DLGAP2: variants seen among roughly 807,000 people sequenced by gnomAD.
The protein encoded by DLGAP2 is DLG associated protein 2.
Under a neutral mutation model 100.3 loss-of-function variants are expected in DLGAP2, and 26 were observed. The observed-to-expected ratio is 0.26, with a 90% CI of 0.19 to 0.36. The LOEUF is 0.36. Among genes scored for constraint, DLGAP2 ranks in the 10% least tolerant of loss-of-function variants. The pLI is 1.00. For missense variants in DLGAP2, 1,858 were observed against 1,453.2 expected (o/e 1.28, Z -4.53); for synonymous variants, 886 against 630.1 (o/e 1.41, Z -6.08).
intron 3 of DLGAP2, among the ~76,000 whole-genome samples, chr8:1,470,378 C>A (rs1053627789): frequency 6.6e-6 from 1 of 152,178 alleles, no homozygotes; most frequent in African/African-American, 2.4e-5. Flanking sequence ...CTGAGTCCAC[C>A]ACAGTGGGAG....
chr8:881,625 A>T (rs1174543361), intron 1 of DLGAP2, among the ~76,000 whole-genome samples: 15 of 141,482 alleles, frequency 1.1e-4, no homozygotes, highest in Non-Finnish European at 1.5e-4. Flanking sequence ...TCAGCCTCCC[A>T]AGTAGCTGGG....
intron 3 of DLGAP2, among the ~76,000 whole-genome samples, chr8:1,486,659 C>T (rs776135047): frequency 1.3e-5 from 2 of 152,214 alleles, no homozygotes; most frequent in Non-Finnish European, 2.9e-5. Context: ...TCTCCTCTTG[C>T]TCTTCCAACT....
chr8:820,226 A>G (rs1246632045), intron 1 of DLGAP2, among the ~76,000 whole-genome samples: 1 of 152,260 alleles, frequency 6.6e-6, no homozygotes, highest in Non-Finnish European at 1.5e-5. Context: ...TAAATATGTA[A>G]TCATTAAAGA....
intron 6 of DLGAP2, among the ~76,000 whole-genome samples, chr8:1,570,761 G>C (rs1460878759): frequency 6.6e-6 from 1 of 151,388 alleles, no homozygotes; most frequent in Non-Finnish European, 1.5e-5. Context: ...GAGGAGAGGG[G>C]TGAACTGCGG....
At chr8:1,410,592 T>A (rs1054221846) in intron 3 of DLGAP2, among the ~76,000 whole-genome samples, 1 of 152,176 alleles carries the variant, frequency 6.6e-6, no homozygotes, top group African/African-American at 2.4e-5. Context: ...CTTCTCAGAA[T>A]GAAATACAGT....
chr8:1,145,310 C>G (rs1362023464), intron 2 of DLGAP2, among the ~76,000 whole-genome samples: 1 of 152,164 alleles, frequency 6.6e-6, no homozygotes, highest in African/African-American at 2.4e-5. Context: ...TGTTTTTAAT[C>G]CCCTCCCATG....
chr8:937,742 C>G (rs1799104193), intron 2 of DLGAP2, among the ~76,000 whole-genome samples: 1 of 152,196 alleles, frequency 6.6e-6, no homozygotes, highest in Non-Finnish European at 1.5e-5. Context: ...TCAAGGGAAT[C>G]TGGTGTTGTC....
chr8:1,201,000 C>A (rs895944592), intron 2 of DLGAP2, among the ~76,000 whole-genome samples: 4 of 152,290 alleles, frequency 2.6e-5, no homozygotes, highest in Non-Finnish European at 4.4e-5. Context: ...GCGGCTGTCT[C>A]CCCGGACCCC....
intron 3 of DLGAP2, among the ~76,000 whole-genome samples, chr8:1,473,501 A>G (rs140993685): frequency 6.6e-6 from 1 of 152,306 alleles, no homozygotes; most frequent in African/African-American, 2.4e-5. Flanking sequence ...CATTCTCAAA[A>G]AGGCAGAACT....
intron 3 of DLGAP2, among the ~76,000 whole-genome samples, chr8:1,481,589 C>G (rs1259741654): frequency 7.2e-6 from 1 of 139,764 alleles, no homozygotes; most frequent in Non-Finnish European, 1.5e-5. Context: ...AGTGATTCTA[C>G]TGCCTCAGCC....
At chr8:1,338,680 C>T (rs904796715) in intron 3 of DLGAP2, among the ~76,000 whole-genome samples, 3 of 152,218 alleles carry the variant, frequency 2.0e-5, no homozygotes, top group South Asian at 2.1e-4. Flanking sequence ...ACTAAAGACA[C>T]GATCTGTACA....
At chr8:832,456 C>A (rs1796800565) in intron 1 of DLGAP2, among the ~76,000 whole-genome samples, 2 of 152,268 alleles carry the variant, frequency 1.3e-5, no homozygotes, top group South Asian at 4.1e-4. Flanking sequence ...ACAGTCATTG[C>A]CTGCATTCTT....
At chr8:1,312,538 G>T (rs1295307460) in intron 3 of DLGAP2, among the ~76,000 whole-genome samples, 2 of 152,156 alleles carry the variant, frequency 1.3e-5, no homozygotes, top group Non-Finnish European at 2.9e-5. Flanking sequence ...GGGCTTGGGG[G>T]AGAGGGAACG....
chr8:1,436,325 A>G (rs987011575), intron 3 of DLGAP2, among the ~76,000 whole-genome samples: 7 of 152,216 alleles, frequency 4.6e-5, no homozygotes, highest in African/African-American at 1.7e-4. Flanking sequence ...CTGATGTTCA[A>G]GGGCAGGAGG....
At chr8:1,054,158 G>C (rs1802804011) in intron 2 of DLGAP2, among the ~76,000 whole-genome samples, 1 of 151,986 alleles carries the variant, frequency 6.6e-6, no homozygotes, top group Admixed American at 6.6e-5. Flanking sequence ...CTCCTGGTTT[G>C]AGTACAGGCA....
chr8:1,487,828 C>T lies in DLGAP2; in HGVS notation c.107-13538C>T, dbSNP rs114376365. Among the ~76,000 whole-genome samples the T allele has an allele frequency of 5.2e-3, 791 of 152,304 alleles. 6 individuals carry two copies. Among genetic ancestry groups the T allele is most frequent in the African/African-American group, 0.018 (751 of 41,554 alleles). On this transcript the variant is annotated intron_variant, in intron 3 of 14. Coordinates refer to ENST00000637795, the MANE Select transcript of DLGAP2 (RefSeq NM_001346810.2). Reference sequence around the variant, plus strand: ...AGTAGTCGGTGAAGCTTCACGTCCTCACTACCTGCCAGCAGGTACGTGGTG... The same window carrying T: ...AGTAGTCGGTGAAGCTTCACGTCCTTACTACCTGCCAGCAGGTACGTGGTG...
chr8:1,111,632 C>T (rs1474920926), intron 2 of DLGAP2, among the ~76,000 whole-genome samples: 1 of 152,118 alleles, frequency 6.6e-6, no homozygotes, highest in Non-Finnish European at 1.5e-5. Flanking sequence ...ATTTAGATCC[C>T]ACTTGTAAGT....
chr8:1,416,192 C>G (rs1796877671), intron 3 of DLGAP2, among the ~76,000 whole-genome samples: 1 of 152,178 alleles, frequency 6.6e-6, no homozygotes, highest in East Asian at 1.9e-4. Flanking sequence ...CAGACGATGC[C>G]TGGTTACCAG....
Position 1,637,396 on chromosome 8 carries a change from A to G in DLGAP2, c.1810+4350A>G, listed in dbSNP as rs117694271. ...GTCACTCTGACACAAGGGCTTTACA[A>G]ATAGGCTCAGAAACTGTTGCGCGGG... On this transcript the variant is annotated intron_variant, in intron 8 of 14. Transcript: ENST00000637795. 5.4e-3 allele frequency among the ~76,000 whole-genome samples: 816 copies of G among 152,154 alleles called. 23 individuals carry two copies. The highest frequency in any genetic ancestry group is 0.039 in the Admixed American group (589 of 15,280).
Sources: allele counts gnomAD v4.1 joint callset (sites outside exome capture counted in the v4.1 genomes callset), GRCh38; gene constraint gnomAD v4.1.1; transcripts MANE v1.5; gene names NCBI Gene and HGNC (gene_info 2026-07-23, HGNC 2026-07-21).